The following EXT1 variants were observed in gnomAD, a reference collection of about 807,000 sequenced individuals.
The protein encoded by EXT1 is exostosin glycosyltransferase 1, also known as exostosin-1.
A neutral mutation model predicts 82.5 loss-of-function variants in EXT1; 20 were observed. The observed-to-expected ratio is 0.24, with a 90% CI of 0.17 to 0.35. The LOEUF (loss-of-function observed/expected upper bound fraction) is 0.35, where lower values mean the gene tolerates loss of function less well. Ranked by LOEUF, EXT1 falls within the 10% of genes least tolerant of loss-of-function variation. EXT1 has a pLI of 1.00. For missense variants in EXT1, 757 were observed against 936.5 expected, an observed-to-expected ratio of 0.81 and a Z score of 2.50; for synonymous variants, 348 against 350.8, an observed-to-expected ratio of 0.99 and a Z score of 0.09.
At chr8:117,827,784 CAAAAAAAAAAAA>C (rs768731740) in intron 4 of EXT1, among the ~76,000 whole-genome samples, 143 of 54,146 alleles carry the variant, frequency 2.6e-3, no homozygotes, top group African/African-American at 0.011. Context: ...GACTCTGTCT[CAAAAAAAAAAAA>C]AAAAAAAAAA....
At chr8:117,920,000 A>G (rs1408843275) in intron 1 of EXT1, among the ~76,000 whole-genome samples, 1 of 152,206 alleles carries the variant, frequency 6.6e-6, no homozygotes, top group Non-Finnish European at 1.5e-5. Context: ...AGCACGCCAC[A>G]TCATGTTGAT....
intron 1 of EXT1, among the ~76,000 whole-genome samples, chr8:117,965,139 G>GT (rs1221176538): frequency 6.6e-5 from 10 of 151,998 alleles, no homozygotes; most frequent in Admixed American, 5.9e-4. Flanking sequence ...TTTTTTGTTT[G>GT]TTTTTTTAAG....
intron 1 of EXT1, among the ~76,000 whole-genome samples, chr8:118,012,340 A>C (rs1815916689): frequency 6.6e-6 from 1 of 152,240 alleles, no homozygotes; most frequent in Non-Finnish European, 1.5e-5. Context: ...CGAAGAAGCC[A>C]CTGCGGCTTC....
intron 1 of EXT1, among the ~76,000 whole-genome samples, chr8:118,051,859 G>A (rs17454043): frequency 0.019 from 2,850 of 152,248 alleles, 38 homozygotes; most frequent in Non-Finnish European, 0.025. Flanking sequence ...ACTGTTTTCT[G>A]CTGTGCATCT....
intron 1 of EXT1, among the ~76,000 whole-genome samples, chr8:117,838,491 T>G (rs1232831735): frequency 2.0e-5 from 3 of 152,190 alleles, no homozygotes; most frequent in African/African-American, 7.2e-5. Flanking sequence ...CGTGTACAAC[T>G]AATTTGCACA....
intron 1 of EXT1, among the ~76,000 whole-genome samples, chr8:118,016,356 G>A (rs766216944): frequency 4.6e-5 from 7 of 152,174 alleles, no homozygotes; most frequent in Admixed American, 3.3e-4. Context: ...TCACGCCACC[G>A]TACTCCAGCC....
Position 118,111,153 on chromosome 8 carries a change from C to G in EXT1, c.-107G>C. On this transcript the variant is annotated 5_prime_UTR_variant, in exon 1 of 11. Coordinates refer to ENST00000378204, the MANE Select transcript of EXT1 (RefSeq NM_000127.3). ...GCCATCTTCCCGCCTGTAAAGACTT[C>G]AAACTCTCCGCTCCCACCTTCTCTG... is the stretch of plus-strand genomic sequence containing the variant. 2 of 1,469,932 alleles carry G rather than the reference C, an allele frequency of 1.4e-6. No individual in the cohort carries two copies. The highest frequency in any genetic ancestry group is 1.8e-6 in the Non-Finnish European group (2 of 1,087,750). 91.1% of individuals were successfully genotyped at this position (1,469,932 alleles called of 1,614,324 possible).
chr8:117,960,565 T>A (rs1211009645), intron 1 of EXT1, among the ~76,000 whole-genome samples: 1 of 152,214 alleles, frequency 6.6e-6, no homozygotes, highest in African/African-American at 2.4e-5. Context: ...ACAGTTTCAC[T>A]ACTTTTGTAC....
intron 1 of EXT1, among the ~76,000 whole-genome samples, chr8:117,905,719 G>A (rs981337154): frequency 6.6e-6 from 1 of 151,866 alleles, no homozygotes; most frequent in Non-Finnish European, 1.5e-5. Context: ...GGCTGAGGCA[G>A]GACAATGGCG....
intron 1 of EXT1, among the ~76,000 whole-genome samples, chr8:117,841,586 A>G (rs1432092699): frequency 1.3e-5 from 2 of 152,222 alleles, no homozygotes; most frequent in African/African-American, 4.8e-5. Flanking sequence ...AACCCCAGAT[A>G]ATTTGCCACT....
At chr8:118,041,240 AT>A (rs1387064957) in intron 1 of EXT1, among the ~76,000 whole-genome samples, 2 of 152,222 alleles carry the variant, frequency 1.3e-5, no homozygotes, top group Non-Finnish European at 2.9e-5. Context: ...CTAACTAGGC[AT>A]CAGAAAGCAG....
intron 1 of EXT1, among the ~76,000 whole-genome samples, chr8:118,048,080 A>G (rs1022082583): frequency 1.3e-5 from 2 of 152,092 alleles, no homozygotes; most frequent in Non-Finnish European, 2.9e-5. Context: ...CCTGGAAGCC[A>G]TAAGACATCT....
chr8:117,914,373 GTGTT>G (rs1405816955), intron 1 of EXT1, among the ~76,000 whole-genome samples: 1 of 152,164 alleles, frequency 6.6e-6, no homozygotes, highest in Non-Finnish European at 1.5e-5. Context: ...TGTAAAACGT[GTGTT>G]TGAACAATAT....
At chr8:117,844,649 GGT>G (rs1412551730) in intron 1 of EXT1, among the ~76,000 whole-genome samples, 1 of 152,052 alleles carries the variant, frequency 6.6e-6, no homozygotes, top group Non-Finnish European at 1.5e-5. Context: ...ATAGGTCCCT[GGT>G]GTCTTTGAGA....
chr8:118,023,271 C>T (rs541187516), intron 1 of EXT1, among the ~76,000 whole-genome samples: 26 of 152,228 alleles, frequency 1.7e-4, no homozygotes, highest in Non-Finnish European at 3.2e-4. Context: ...ACTTCAAATA[C>T]AATAACATTA....
At chr8:117,838,196 C>G (rs1263526197) in intron 1 of EXT1, among the ~76,000 whole-genome samples, 3 of 152,154 alleles carry the variant, frequency 2.0e-5, no homozygotes, top group Non-Finnish European at 4.4e-5. Flanking sequence ...TGAAATCACT[C>G]TCATTTTTCA....
intron 1 of EXT1, among the ~76,000 whole-genome samples, chr8:117,904,861 A>G (rs555739855): frequency 6.6e-5 from 10 of 150,444 alleles, no homozygotes; most frequent in African/African-American, 2.0e-4. Flanking sequence ...AAGTGTGAAG[A>G]AAAAAAAAAT....
chr8:117,963,068 C>G (rs1480872144), intron 1 of EXT1, among the ~76,000 whole-genome samples: 1 of 152,172 alleles, frequency 6.6e-6, no homozygotes, highest in East Asian at 1.9e-4. Context: ...GCTCTCCCAC[C>G]ATCCCATCCC....
chr8:117,992,102 G>A (rs1451764667), intron 1 of EXT1, among the ~76,000 whole-genome samples: 1 of 152,104 alleles, frequency 6.6e-6, no homozygotes, highest in Non-Finnish European at 1.5e-5. Context: ...AAAGACAAGT[G>A]TCTCACCTAT....
Sources: allele counts gnomAD v4.1 joint callset (sites outside exome capture counted in the v4.1 genomes callset), GRCh38; gene constraint gnomAD v4.1.1; transcripts MANE v1.5; gene names NCBI Gene and HGNC (gene_info 2026-07-23, HGNC 2026-07-21).